The following ZNF490 variants were observed in gnomAD, a reference collection of about 807,000 sequenced individuals.
The protein encoded by ZNF490 is zinc finger protein 490.
In ZNF490, 11 loss-of-function variants were observed where a neutral mutation model predicts 17.7. That is an observed-to-expected ratio of 0.62 (90% CI 0.39 to 1.03). ZNF490 has a LOEUF of 1.03. Ranked by LOEUF, ZNF490 falls within the 50% of genes least tolerant of loss-of-function variation. The pLI is 0.00. For missense variants in ZNF490, 542 were observed against 643.4 expected (o/e 0.84, Z 1.71); for synonymous variants, 222 against 216.1 (o/e 1.03, Z -0.24).
rs536113024 is a variant in ZNF490, at chr19:12,608,480, T to C, written c.162+678A>G. Among the ~76,000 whole-genome samples the C allele has an allele frequency of 1.2e-4, 18 of 151,368 alleles. 1 individual carries two copies. Among genetic ancestry groups the C allele is most frequent in the Non-Finnish European group, 2.7e-4 (18 of 67,836 alleles). ...ATGTATTTATTTATTTATTTATTTA[T>C]TTATTTTTGAGACAGAGTTTCACTC... On this transcript the variant is annotated intron_variant, in intron 2 of 4. Coordinates refer to ENST00000311437, the MANE Select transcript of ZNF490 (RefSeq NM_020714.3).
In ZNF490 at chr19:12,578,826, A is replaced by G. The variant is rs1252151506; in HGVS notation, c.*1659T>C. On this transcript the variant is annotated 3_prime_UTR_variant, in exon 5 of 5. Coordinates refer to ENST00000311437, the MANE Select transcript of ZNF490 (RefSeq NM_020714.3). ...TGCCACAAAAGGCCTGCTGGGGCCC[A>G]AGTCCTTCTTCCCCATTCCTTTAAT... 1.0e-6 allele frequency: 1 copy of G among 985,360 alleles called. No homozygotes were observed. The highest frequency in any genetic ancestry group is 1.7e-5 in the African/African-American group (1 of 57,242). The allele number at this position is 985,360 out of a possible 1,614,324, so 61.0% of individuals were successfully genotyped here.
rs746653328 is a variant in ZNF490 at position 12,580,750 on chromosome 19, C to A, written c.1325G>T (p.Arg442Ile). 6.2e-7 allele frequency: 1 copy of A among 1,614,170 alleles called. No homozygotes were observed. The highest frequency in any genetic ancestry group is 1.1e-5 in the South Asian group (1 of 91,082). The part of the protein sequence containing the change: ...HFRIHERTHT[R>I]EKPYECKQCG... ...CTGTTTGCATTCATAGGGTTTCTCT[C>A]TAGTATGGGTTCTTTCATGGATTCG... Residue 442 changes from arginine (R) to isoleucine (I), a missense_variant, in exon 5 of 5, where the codon AGA becomes ATA. Transcript: ENST00000311437.
chr19:12,579,245 CA>C lies in ZNF490; in HGVS notation c.*1239del, dbSNP rs756498357. The C allele has an allele frequency of 8.0e-3, 744 of 93,012 alleles. 11 individuals are homozygous for C. The highest frequency in any genetic ancestry group is 0.047 in the Admixed American group (383 of 8,088). The allele number at this position is 93,012 out of a possible 1,614,324, so 5.8% of individuals were successfully genotyped here. The stretch of plus-strand genomic sequence containing the variant: ...TCCAGCCTGGGCAAGGACTCCGTCT[CA>C]AAAAAAAAAAAAAAGAACTGGGGGC... On this transcript the variant is annotated 3_prime_UTR_variant, in exon 5 of 5. Transcript: ENST00000311437.
rs2022674138 is a variant in ZNF490, at chr19:12,578,410, G to C, written c.*2075C>G. 6.1e-6 allele frequency: 6 copies of C among 985,522 alleles called. No individual in the cohort carries two copies. The highest frequency in any genetic ancestry group is 7.2e-6 in the Non-Finnish European group (6 of 829,994). 61.0% of individuals were successfully genotyped at this position (985,522 alleles called of 1,614,324 possible). Reference sequence around the variant, plus strand: ...GATGCTGTGTGGTCAAGGGGTGTGTGTCCCATGATACAGGCTCTGCTTCTT... The same window carrying C: ...GATGCTGTGTGGTCAAGGGGTGTGTCTCCCATGATACAGGCTCTGCTTCTT... On this transcript the variant is annotated 3_prime_UTR_variant, in exon 5 of 5. Transcript: ENST00000311437.
In ZNF490 at chr19:12,578,118, T is replaced by G. The variant is rs907832350; in HGVS notation, c.*2367A>C. 18 of 985,310 alleles carry G rather than the reference T, an allele frequency of 1.8e-5. No homozygotes were observed. The African/African-American group carries it at 3.0e-4, about 16-fold the overall frequency. 61.0% of individuals were successfully genotyped at this position (985,310 alleles called of 1,614,324 possible). A position where few individuals can be genotyped will look rare whatever the true frequency, so the allele number is the denominator to read the frequency against. On this transcript the variant is annotated 3_prime_UTR_variant, in exon 5 of 5. Transcript: ENST00000311437. ...TTTTCCAAGAAGAGCTAAGTGCTAG[T>G]CTTAGCGGGAGGCTAGGAAACCAGT...
At chr19:12,586,009 CAGT>C (rs911977283) in intron 2 of ZNF490, among the ~76,000 whole-genome samples, 1 of 91,600 alleles carries the variant, frequency 1.1e-5, no homozygotes, top group African/African-American at 3.2e-5. Context: ...TGTTTTAAAA[CAGT>C]AGAACAGGCC....
rs1311658698 is a variant in ZNF490 at position 12,576,666 on chromosome 19, A to G, written c.*3819T>C. Among the ~76,000 whole-genome samples the G allele has an allele frequency of 6.6e-6, 1 of 150,604 alleles. No individual in the cohort carries two copies. Among genetic ancestry groups the G allele is most frequent in the African/African-American group, 2.4e-5 (1 of 40,834 alleles). ...CCATCTCTACTAAAAATACAAAAAA[A>G]TTTAGCTGGTTGTGGTGGCACGCGC... On this transcript the variant is annotated 3_prime_UTR_variant, in exon 5 of 5. Transcript: ENST00000311437.
intron 2 of ZNF490, chr19:12,597,428 CAG>C (rs955845319): frequency 5.5e-5 from 15 of 271,688 alleles, no homozygotes; most frequent in Non-Finnish European, 9.0e-5. Context: ...GCTAGCTTCC[CAG>C]AGTGGGTTTT....
chr19:12,602,074 CTA>C (rs145824680), intron 2 of ZNF490, among the ~76,000 whole-genome samples: 43 of 131,526 alleles, frequency 3.3e-4, no homozygotes, highest in Middle Eastern at 3.8e-3. Flanking sequence ...ACTCAGTTCA[CTA>C]TATACACACA....
chr19:12,603,979 A>G (rs199834367), intron 2 of ZNF490, among the ~76,000 whole-genome samples: 33 of 142,866 alleles, frequency 2.3e-4, no homozygotes, highest in African/African-American at 8.6e-4. Context: ...GTTGCCAGGG[A>G]ACCAACCATG....
chr19:12,577,614 T>C lies in ZNF490; in HGVS notation c.*2871A>G, dbSNP rs2022662480. ...ACTGCATCTCCACAGTAGCCGTCAC[T>C]TCCACTGAGGCCTCATCTGCCAGCA... On this transcript the variant is annotated 3_prime_UTR_variant, in exon 5 of 5. Transcript: ENST00000311437. The C allele has an allele frequency of 1.0e-6, 1 of 985,394 alleles. No individual in the cohort carries two copies. Among genetic ancestry groups the C allele is most frequent in the Admixed American group, 6.1e-5 (1 of 16,264 alleles). The allele number at this position is 985,394 out of a possible 1,614,324, so 61.0% of individuals were successfully genotyped here. A position where few individuals can be genotyped will look rare whatever the true frequency, so the allele number is the denominator to read the frequency against.
At chr19:12,604,808 G>A (rs1361621486) in intron 2 of ZNF490, among the ~76,000 whole-genome samples, 2 of 150,004 alleles carry the variant, frequency 1.3e-5, no homozygotes, top group Admixed American at 6.7e-5. Context: ...TGGGCGACAA[G>A]AGCAAAACTC....
rs918815091 is a variant in ZNF490, at chr19:12,580,993, G to C, written c.1082C>G (p.Pro361Arg). The part of the protein sequence containing the change: ...KHVKTHTGVQ[P>R]YTCKKCGEAF... ...TTCCCCACATTTCTTACATGTATAAGGTTGAACTCCGGTGTGGGTTTTCAC... is the reference window on the plus strand; with the variant it reads ...TTCCCCACATTTCTTACATGTATAACGTTGAACTCCGGTGTGGGTTTTCAC... The change falls in exon 5 of 5, where the codon CCT becomes CGT. Residue 361 changes from proline (P) to arginine (R), a missense_variant. Coordinates refer to ENST00000311437, the MANE Select transcript of ZNF490 (RefSeq NM_020714.3). 2.5e-6 allele frequency: 4 copies of C among 1,614,054 alleles called. No individual in the cohort carries two copies. Among genetic ancestry groups the C allele is most frequent in the Admixed American group, 3.3e-5 (2 of 59,978 alleles).
In ZNF490 at chr19:12,576,117, A is replaced by G. The variant is rs2022630469; in HGVS notation, c.*4368T>C. Among the ~76,000 whole-genome samples, 3 of 152,238 alleles carry G rather than the reference A, an allele frequency of 2.0e-5. No individual in the cohort carries two copies. The highest frequency in any genetic ancestry group is 2.9e-5 in the Non-Finnish European group (2 of 68,046). On this transcript the variant is annotated 3_prime_UTR_variant, in exon 5 of 5. Coordinates refer to ENST00000311437, the MANE Select transcript of ZNF490 (RefSeq NM_020714.3). Reference sequence around the variant, plus strand: ...ATAAAATCTTTGATGGTGAAAAACCATATTTTTAATATCTAATATCAGAAA... The same window carrying G: ...ATAAAATCTTTGATGGTGAAAAACCGTATTTTTAATATCTAATATCAGAAA...
intron 2 of ZNF490, among the ~76,000 whole-genome samples, chr19:12,601,259 G>A (rs1203029290): frequency 6.6e-6 from 1 of 151,150 alleles, no homozygotes; most frequent in Non-Finnish European, 1.5e-5. Flanking sequence ...GTGGTGGCGG[G>A]CACCTGTAGT....
In ZNF490 at chr19:12,610,707, C is replaced by T. The variant is rs2023139608; in HGVS notation, c.-27G>A. The T allele has an allele frequency of 6.2e-7, 1 of 1,604,386 alleles. No individual in the cohort carries two copies. Among genetic ancestry groups the T allele is most frequent in the Non-Finnish European group, 8.5e-7 (1 of 1,172,852 alleles). ...CCTGTCCCCGCATCCAGAAACACTG[C>T]AGGAAGACTTCCGTGTCCGACCCGA... On this transcript the variant is annotated 5_prime_UTR_variant, in exon 1 of 5. Coordinates refer to ENST00000311437, the MANE Select transcript of ZNF490 (RefSeq NM_020714.3).
chr19:12,601,611 C>T (rs1266923916), intron 2 of ZNF490, among the ~76,000 whole-genome samples: 1 of 152,044 alleles, frequency 6.6e-6, no homozygotes, highest in Non-Finnish European at 1.5e-5. Context: ...TCTTGAACTC[C>T]AGGACTCAGA....
chr19:12,601,555 AT>A (rs1006775266), intron 2 of ZNF490, among the ~76,000 whole-genome samples: 3 of 151,476 alleles, frequency 2.0e-5, no homozygotes, highest in Admixed American at 1.3e-4. Flanking sequence ...AACCTGGCTA[AT>A]TTTTTTTTAT....
intron 2 of ZNF490, among the ~76,000 whole-genome samples, chr19:12,602,498 C>T (rs957945060): frequency 3.3e-5 from 5 of 151,986 alleles, no homozygotes; most frequent in Admixed American, 1.3e-4. Context: ...TGCAGCGAGC[C>T]GAGATGATGC....
Sources: allele counts gnomAD v4.1 joint callset (sites outside exome capture counted in the v4.1 genomes callset), GRCh38; gene constraint gnomAD v4.1.1; transcripts MANE v1.5; gene names NCBI Gene and HGNC (gene_info 2026-07-23, HGNC 2026-07-21).